The following DENND1B variants were observed in gnomAD, a reference collection of about 807,000 sequenced individuals.
The protein encoded by DENND1B is DENN domain-containing protein 1B.
In DENND1B, 59 loss-of-function variants were observed where a neutral mutation model predicts 90.1. The observed-to-expected ratio is 0.65, with a 90% CI of 0.53 to 0.81. The LOEUF (loss-of-function observed/expected upper bound fraction) is 0.81. Among genes scored for constraint, DENND1B ranks in the 40% least tolerant of loss-of-function variants. DENND1B has a pLI of 0.00. For synonymous variants in DENND1B, 337 were observed against 324.6 expected, an observed-to-expected ratio of 1.04 and a Z score of -0.41; for missense variants, 862 against 912.6, an observed-to-expected ratio of 0.94 and a Z score of 0.71.
At chr1:197,603,557 T>A (rs1339128634) in intron 13 of DENND1B, among the ~76,000 whole-genome samples, 4 of 150,836 alleles carry the variant, frequency 2.7e-5, no homozygotes, top group African/African-American at 9.8e-5. Flanking sequence ...CCTGTTGTAA[T>A]GAATATTCTA....
chr1:197,650,378 T>C (rs757568237), intron 7 of DENND1B, among the ~76,000 whole-genome samples: 3 of 152,134 alleles, frequency 2.0e-5, no homozygotes, highest in South Asian at 2.1e-4. Flanking sequence ...GATGTTGGCC[T>C]GGATGCGGTG....
chr1:197,691,046 G>T (rs1344030078), intron 3 of DENND1B, among the ~76,000 whole-genome samples: 2 of 151,978 alleles, frequency 1.3e-5, no homozygotes, highest in Non-Finnish European at 2.9e-5. Flanking sequence ...ACCAATCATG[G>T]ATATATGATA....
intron 3 of DENND1B, among the ~76,000 whole-genome samples, chr1:197,703,851 T>C (rs1196244590): frequency 1.3e-5 from 2 of 152,168 alleles, no homozygotes; most frequent in East Asian, 3.8e-4. Flanking sequence ...CTCTGATGCC[T>C]CCTCTCTTCA....
At chr1:197,548,332 T>C (rs1035317231) in intron 16 of DENND1B, among the ~76,000 whole-genome samples, 10 of 152,292 alleles carry the variant, frequency 6.6e-5, no homozygotes, top group Middle Eastern at 6.8e-3. Flanking sequence ...AATGGACCTT[T>C]AGAGCTCAGG....
Position 197,770,606 on chromosome 1 carries a change from G to GTA in DENND1B, c.82+2260_82+2261dup, listed in dbSNP as rs1234788530. 4.9e-5 allele frequency among the ~76,000 whole-genome samples: 7 copies of GTA among 142,682 alleles called. No homozygotes were observed. In the South Asian group the frequency reaches 6.5e-4, roughly 13 times the overall value. The allele number at this position is 142,682 out of a possible 152,430, so 93.6% of individuals were successfully genotyped here. A position where few individuals can be genotyped will look rare whatever the true frequency, so the allele number is the denominator to read the frequency against. ...ATTAGCCTGTTGTGTGTGTGTGTGT[G>GTA]TATATATATCTATAAATATATATAA... On this transcript the variant is annotated intron_variant, in intron 2 of 22. Transcript: ENST00000620048.
intron 2 of DENND1B, among the ~76,000 whole-genome samples, chr1:197,763,356 G>T (rs1655333844): frequency 6.6e-6 from 1 of 152,066 alleles, no homozygotes; most frequent in Non-Finnish European, 1.5e-5. Flanking sequence ...TCTTTTAAAA[G>T]AAAGGAATTT....
Position 197,627,613 on chromosome 1 carries a change from G to T in DENND1B, c.673-9854C>A, listed in dbSNP as rs548576470. Among the ~76,000 whole-genome samples the T allele has an allele frequency of 3.1e-3, 464 of 151,734 alleles. 4 individuals are homozygous for T. The highest frequency in any genetic ancestry group is 0.011 in the African/African-American group (441 of 41,394). On this transcript the variant is annotated intron_variant, in intron 10 of 22. Transcript: ENST00000620048. ...AACTGGAAGCATTCCCTTTGAAAAC[G>T]GGCACAAGACAGGGATGCCCTCTCT...
At chr1:197,631,641 G>A (rs1679334720) in intron 10 of DENND1B, among the ~76,000 whole-genome samples, 1 of 151,106 alleles carries the variant, frequency 6.6e-6, no homozygotes, top group Non-Finnish European at 1.5e-5. Flanking sequence ...CAATCACAAT[G>A]GCAGAACAAC....
intron 10 of DENND1B, among the ~76,000 whole-genome samples, chr1:197,641,887 T>G (rs1417443579): frequency 6.6e-6 from 1 of 152,100 alleles, no homozygotes; most frequent in East Asian, 1.9e-4. Context: ...AAGAAAACAT[T>G]AAAAATATGG....
chr1:197,713,793 T>TAATA (rs1376908590), intron 3 of DENND1B, among the ~76,000 whole-genome samples: 2 of 20,226 alleles, frequency 9.9e-5, no homozygotes, highest in Non-Finnish European at 1.6e-4. Context: ...TATTATAATA[T>TAATA]TATTATATTA....
chr1:197,563,241 T>C (rs1672325453), intron 15 of DENND1B, among the ~76,000 whole-genome samples: 1 of 151,932 alleles, frequency 6.6e-6, no homozygotes, highest in Non-Finnish European at 1.5e-5. Flanking sequence ...GAAGAAGATA[T>C]CATCCACGAC....
chr1:197,536,998 A>G (rs4026510), intron 20 of DENND1B, among the ~76,000 whole-genome samples: 66,494 of 150,274 alleles, frequency 0.44, 15,358 homozygotes, highest in East Asian at 0.65. Flanking sequence ...CCGAGATCGC[A>G]CCACTGCACT....
chr1:197,672,462 ATAT>A (rs1461000970), intron 4 of DENND1B, among the ~76,000 whole-genome samples: 1 of 152,046 alleles, frequency 6.6e-6, no homozygotes, highest in Admixed American at 6.6e-5. Flanking sequence ...AATTATCAAA[ATAT>A]TATTACTGAA....
At chr1:197,702,458 T>C (rs2102163215) in intron 3 of DENND1B, among the ~76,000 whole-genome samples, 1 of 152,318 alleles carries the variant, frequency 6.6e-6, no homozygotes, top group South Asian at 2.1e-4. Context: ...ATCACTATTC[T>C]GGAAAACTTT....
chr1:197,597,811 T>G (rs931722982), intron 13 of DENND1B, among the ~76,000 whole-genome samples: 1 of 151,784 alleles, frequency 6.6e-6, no homozygotes, highest in African/African-American at 2.4e-5. Context: ...TGCTGGCCAA[T>G]AAGGTAGCTA....
intron 7 of DENND1B, among the ~76,000 whole-genome samples, chr1:197,650,693 G>C (rs1028970724): frequency 1.3e-5 from 2 of 152,164 alleles, no homozygotes; most frequent in African/African-American, 4.8e-5. Flanking sequence ...CCGTAAAAAG[G>C]AATGAATTAA....
intron 2 of DENND1B, among the ~76,000 whole-genome samples, chr1:197,758,019 T>C (rs1203758987): frequency 6.6e-6 from 1 of 152,198 alleles, no homozygotes; most frequent in Non-Finnish European, 1.5e-5. Context: ...AACTTACACA[T>C]ATATGGAATT....
At chr1:197,512,654 G>T (rs1352818606) in intron 21 of DENND1B, among the ~76,000 whole-genome samples, 4 of 151,452 alleles carry the variant, frequency 2.6e-5, no homozygotes, top group Non-Finnish European at 5.9e-5. Flanking sequence ...AGACATTATT[G>T]CTTTCCAAGA....
At chr1:197,635,400 C>T (rs1435158989) in intron 10 of DENND1B, among the ~76,000 whole-genome samples, 1 of 152,008 alleles carries the variant, frequency 6.6e-6, no homozygotes, top group Non-Finnish European at 1.5e-5. Context: ...TGCAGTAGAG[C>T]GATTATGGCT....
Sources: gnomAD v4.1 joint callset for allele counts (sites outside exome capture counted in the v4.1 genomes callset) on GRCh38, gnomAD v4.1.1 for gene constraint, MANE v1.5 for transcripts, NCBI Gene and HGNC (gene_info 2026-07-23, HGNC 2026-07-21) for gene names.